Variants in TBC1D19 observed in about 807,000 individuals in gnomAD.
TBC1D19 encodes the protein TBC1 domain family member 19.
TBC1D19 carries 60 observed loss-of-function variants against 89.0 expected under a neutral mutation model. That is an observed-to-expected ratio of 0.67 (90% CI 0.55 to 0.84). The LOEUF (loss-of-function observed/expected upper bound fraction) is 0.84, where lower values mean the gene tolerates loss of function less well. Among genes scored for constraint, TBC1D19 ranks in the 40% least tolerant of loss-of-function variants. TBC1D19 has a pLI of 0.00. For missense variants in TBC1D19, 500 were observed against 610.8 expected, an observed-to-expected ratio of 0.82 and a Z score of 1.91; for synonymous variants, 189 against 199.7, an observed-to-expected ratio of 0.95 and a Z score of 0.45.
At chr4:26,761,758 G>A in the TBC1D19 span, among the ~76,000 whole-genome samples, 11 of 152,078 alleles carry the variant, frequency 7.2e-5, no homozygotes, top group Non-Finnish European at 1.2e-4. Flanking sequence ...TAAAGGAAAT[G>A]TACTTATTTC....
At chr4:26,774,686 G>T in the TBC1D19 span, among the ~76,000 whole-genome samples, 1 of 152,168 alleles carries the variant, frequency 6.6e-6, no homozygotes, top group African/African-American at 2.4e-5. Context: ...AGTTCTAGTA[G>T]ATTTTTTTGT....
chr4:26,663,522 T>C (rs971828253), intron 8 of TBC1D19, among the ~76,000 whole-genome samples: 1 of 152,160 alleles, frequency 6.6e-6, no homozygotes. Context: ...GAAAGGATAA[T>C]TTAGACAAAG....
At chr4:26,774,865 G>A in the TBC1D19 span, among the ~76,000 whole-genome samples, 2 of 152,286 alleles carry the variant, frequency 1.3e-5, no homozygotes, top group East Asian at 3.9e-4. Flanking sequence ...TCCCTCACAA[G>A]TTCTTAATCT....
intron 15 of TBC1D19, among the ~76,000 whole-genome samples, chr4:26,732,068 A>G (rs1253860739): frequency 6.6e-6 from 1 of 151,920 alleles, no homozygotes; most frequent in African/African-American, 2.4e-5. Context: ...TCTTATTATT[A>G]TGTGTAAGAA....
At chr4:26,776,224 C>T in the TBC1D19 span, among the ~76,000 whole-genome samples, 2 of 152,186 alleles carry the variant, frequency 1.3e-5, no homozygotes, top group South Asian at 4.2e-4. Flanking sequence ...TTCAGGTGCT[C>T]AGAGGTAATT....
At chr4:26,752,725 C>T (rs145749857) in intron 19 of TBC1D19, among the ~76,000 whole-genome samples, 1 of 152,196 alleles carries the variant, frequency 6.6e-6, no homozygotes, top group Admixed American at 6.5e-5. Context: ...TTATGACTCA[C>T]TCCCTCACAT....
At chr4:26,707,989 C>T (rs940178896) in intron 13 of TBC1D19, among the ~76,000 whole-genome samples, 8 of 151,974 alleles carry the variant, frequency 5.3e-5, no homozygotes, top group Admixed American at 2.0e-4. Flanking sequence ...TTCAAATGTA[C>T]GAGTTTCTTA....
the TBC1D19 span, among the ~76,000 whole-genome samples, chr4:26,789,746 G>A: frequency 6.6e-6 from 1 of 152,240 alleles, no homozygotes; most frequent in East Asian, 1.9e-4. Flanking sequence ...AAAAAAATTT[G>A]TTTATCACAG....
chr4:26,579,342 C>A (rs1255877342), upstream of TBC1D19, among the ~76,000 whole-genome samples: 1 of 152,212 alleles, frequency 6.6e-6, no homozygotes, highest in Non-Finnish European at 1.5e-5. Context: ...TTGCCAGACT[C>A]TCTTGTAACT....
intron 1 of TBC1D19, among the ~76,000 whole-genome samples, chr4:26,601,066 A>G (rs1349972046): frequency 1.3e-5 from 2 of 152,120 alleles, no homozygotes; most frequent in African/African-American, 2.4e-5. Context: ...GAAAGGACAT[A>G]TCCTTTTAAA....
intron 14 of TBC1D19, among the ~76,000 whole-genome samples, chr4:26,719,209 A>G (rs573208419): frequency 6.8e-4 from 103 of 152,170 alleles, no homozygotes; most frequent in African/African-American, 2.3e-3. Context: ...CCAGTAATCA[A>G]TTTTATCTAC....
chr4:26,745,555 T>C lies in TBC1D19; in HGVS notation c.1320-2856T>C, dbSNP rs1416985063. Among the ~76,000 whole-genome samples, 8 of 125,250 alleles carry C rather than the reference T, an allele frequency of 6.4e-5. No individual in the cohort carries two copies. In the Admixed American group the frequency reaches 8.2e-4, roughly 13 times the overall value. 82.2% of individuals were successfully genotyped at this position (125,250 alleles called of 152,430 possible). ...TGGAGTCTCACTCTGTCACCCAGGCTGGAGTGCAGTGATGCGATCTTGGCT... is the reference window on the plus strand; with the variant it reads ...TGGAGTCTCACTCTGTCACCCAGGCCGGAGTGCAGTGATGCGATCTTGGCT... On this transcript the variant is annotated intron_variant, in intron 18 of 20. Transcript: ENST00000264866.
rs190242871 is a variant in TBC1D19 at position 26,646,647 on chromosome 4, A to G, written c.480+6460A>G. 2.0e-3 allele frequency among the ~76,000 whole-genome samples: 298 copies of G among 152,344 alleles called. 4 individuals are homozygous for G. Among genetic ancestry groups the G allele is most frequent in the African/African-American group, 7.1e-3 (294 of 41,584 alleles). ...AAAAGGGTGAGTTCATGTCCTTTATAGCAACATGGATGAAGTGGGAAACCA... is the reference window on the plus strand; with the variant it reads ...AAAAGGGTGAGTTCATGTCCTTTATGGCAACATGGATGAAGTGGGAAACCA... On this transcript the variant is annotated intron_variant, in intron 7 of 20. Coordinates refer to ENST00000264866, the MANE Select transcript of TBC1D19 (RefSeq NM_018317.4).
At chr4:26,748,735 T>C (rs564294464) in intron 19 of TBC1D19, among the ~76,000 whole-genome samples, 2 of 152,350 alleles carry the variant, frequency 1.3e-5, no homozygotes, top group South Asian at 4.1e-4. Flanking sequence ...CTACTTCTAG[T>C]CTTTCTTCCC....
At chr4:26,775,885 A>C in the TBC1D19 span, among the ~76,000 whole-genome samples, 11 of 151,938 alleles carry the variant, frequency 7.2e-5, 1 homozygote, top group Admixed American at 7.2e-4. Flanking sequence ...TTGTGAACTT[A>C]TGTAGTTAAA....
intron 4 of TBC1D19, among the ~76,000 whole-genome samples, chr4:26,633,007 C>A (rs998603806): frequency 6.6e-6 from 1 of 152,126 alleles, no homozygotes; most frequent in African/African-American, 2.4e-5. Flanking sequence ...CCTTCACTCC[C>A]AACCTTTTTT....
intron 3 of TBC1D19, among the ~76,000 whole-genome samples, chr4:26,618,964 T>C (rs1355644425): frequency 6.6e-6 from 1 of 152,198 alleles, no homozygotes; most frequent in Non-Finnish European, 1.5e-5. Context: ...TGCATATTAC[T>C]AAATGTAAGC....
Position 26,680,087 on chromosome 4 carries a change from C to T in TBC1D19, c.817-3588C>T, listed in dbSNP as rs376432299. On this transcript the variant is annotated intron_variant, in intron 11 of 20. Transcript: ENST00000264866. ...AAGGGGCTTCCCCCTTTGCTGGGCACTCATTCTCTCCCCTGTGGCCCTGTG... is the reference window on the plus strand; with the variant it reads ...AAGGGGCTTCCCCCTTTGCTGGGCATTCATTCTCTCCCCTGTGGCCCTGTG... Among the ~76,000 whole-genome samples, 7 of 152,128 alleles carry T rather than the reference C, an allele frequency of 4.6e-5. No individual in the cohort carries two copies. The East Asian group carries it at 9.6e-4, about 21-fold the overall frequency.
the TBC1D19 span, among the ~76,000 whole-genome samples, chr4:26,851,700 G>C: frequency 2.0e-5 from 3 of 152,170 alleles, no homozygotes; most frequent in African/African-American, 7.2e-5. Context: ...GTACCTTGCT[G>C]TGAGAAGTAC....
Sources: gnomAD v4.1 joint callset for allele counts (sites outside exome capture counted in the v4.1 genomes callset) on GRCh38, gnomAD v4.1.1 for gene constraint, MANE v1.5 for transcripts, NCBI Gene and HGNC (gene_info 2026-07-23, HGNC 2026-07-21) for gene names.